Variants in RAPGEF2 observed in about 807,000 individuals in gnomAD.
RAPGEF2 encodes PDZ domain containing guanine nucleotide exchange factor (GEF) 1.
Under a neutral mutation model 186.7 loss-of-function variants are expected in RAPGEF2, and 54 were observed. The observed-to-expected ratio is 0.29, with a 90% CI of 0.23 to 0.36. The LOEUF is 0.36. Ranked by LOEUF, RAPGEF2 falls within the 10% of genes least tolerant of loss-of-function variation. RAPGEF2 has a pLI of 1.00. For missense variants in RAPGEF2, 1,532 were observed against 2,045.0 expected, an observed-to-expected ratio of 0.75 and a Z score of 4.84; for synonymous variants, 712 against 705.9, an observed-to-expected ratio of 1.01 and a Z score of -0.14.
chr4:159,142,747 A>G (rs1742493628), intron 1 of RAPGEF2, among the ~76,000 whole-genome samples: 1 of 152,190 alleles, frequency 6.6e-6, no homozygotes, highest in Non-Finnish European at 1.5e-5. Context: ...TATAAATAGT[A>G]TGAGTAACAA....
rs1322108964 is a variant in RAPGEF2 at position 159,104,229 on chromosome 4, C to G, written c.67C>G (p.Gln23Glu). The change falls in exon 1 of 30, where the codon CAG becomes GAG. Residue 23 changes from glutamine (Q) to glutamate (E), a missense_variant and splice_region_variant. By Grantham distance (29) the Gln-to-Glu change is conservative. Coordinates refer to ENST00000691494, the MANE Select transcript of RAPGEF2 (RefSeq NM_001394067.2). ...VMKNPPERTP[Q>E]DLEIVYSYLH... The stretch of plus-strand genomic sequence containing the variant: ...GAAGAATCCCCCCGAAAGGACCCCC[C>G]AGGTGAGAACGCGGCGGCCGCCTGC... 5.8e-6 allele frequency: 7 copies of G among 1,203,704 alleles called. No homozygotes were observed. The highest frequency in any genetic ancestry group is 1.7e-5 in the African/African-American group (1 of 57,984). 74.6% of individuals were successfully genotyped at this position (1,203,704 alleles called of 1,614,324 possible). A position where few individuals can be genotyped will look rare whatever the true frequency, so the allele number is the denominator to read the frequency against.
chr4:159,314,097 GT>G (rs1466622201), intron 8 of RAPGEF2, among the ~76,000 whole-genome samples: 73 of 152,244 alleles, frequency 4.8e-4, no homozygotes, highest in African/African-American at 1.6e-3. Flanking sequence ...CCAACTAATT[GT>G]TAATGTTTCG....
rs573855535 is a variant in RAPGEF2 at position 159,254,067 on chromosome 4, T to G, written c.543+10276T>G. Among the ~76,000 whole-genome samples, 26 of 152,384 alleles carry G rather than the reference T, an allele frequency of 1.7e-4. No homozygotes were observed. The East Asian group carries it at 5.0e-3, about 29-fold the overall frequency. ...AACAAAAGTGCTTTATGCAAACTTC[T>G]CGCTTCATCATACAGAATATTAAAA... On this transcript the variant is annotated intron_variant, in intron 7 of 29. Coordinates refer to ENST00000691494, the MANE Select transcript of RAPGEF2 (RefSeq NM_001394067.2).
chr4:159,216,766 CTG>C (rs1751027967), intron 4 of RAPGEF2, among the ~76,000 whole-genome samples: 1 of 152,250 alleles, frequency 6.6e-6, no homozygotes, highest in African/African-American at 2.4e-5. Context: ...ACCACGTTGA[CTG>C]TGTCCATTTA....
At chr4:159,156,365 A>C (rs1265505349) in intron 1 of RAPGEF2, among the ~76,000 whole-genome samples, 1 of 152,216 alleles carries the variant, frequency 6.6e-6, no homozygotes, top group Non-Finnish European at 1.5e-5. Context: ...TTATAACACA[A>C]CTAAAAAAAG....
intron 2 of RAPGEF2, among the ~76,000 whole-genome samples, chr4:159,189,193 G>A (rs1245368784): frequency 6.6e-6 from 1 of 152,138 alleles, no homozygotes; most frequent in East Asian, 1.9e-4. Context: ...TCATAATCAA[G>A]ATTTTCAGTC....
intron 1 of RAPGEF2, among the ~76,000 whole-genome samples, chr4:159,121,469 C>T (rs1378010126): frequency 6.6e-6 from 1 of 151,984 alleles, no homozygotes; most frequent in Non-Finnish European, 1.5e-5. Flanking sequence ...TGGACTCAAG[C>T]TCTCCTCCCA....
At chr4:159,325,264 A>G (rs774097496) in intron 11 of RAPGEF2, among the ~76,000 whole-genome samples, 4 of 152,190 alleles carry the variant, frequency 2.6e-5, no homozygotes, top group Non-Finnish European at 4.4e-5. Flanking sequence ...CTTCCCAATT[A>G]TTTTGTATAA....
At chr4:159,338,568 AT>A (rs754545545) in intron 18 of RAPGEF2, 100 bp downstream of exon 18, 4 of 1,210,962 alleles carry the variant, frequency 3.3e-6, no homozygotes, top group Non-Finnish European at 4.6e-6. Context: ...GGCATGGATT[AT>A]ATCAGATGCT....
At chr4:159,268,353 G>A (rs1757693291) in intron 7 of RAPGEF2, 1 of 610,590 alleles carries the variant, frequency 1.6e-6, no homozygotes, top group Non-Finnish European at 2.7e-6. Context: ...GGAGGGGAGG[G>A]TGCATTAAAG....
chr4:159,342,944 T>C (rs1442055069), intron 20 of RAPGEF2, 35 bp from the exon 21 acceptor site: 10 of 1,563,546 alleles, frequency 6.4e-6, no homozygotes, highest in Non-Finnish European at 8.8e-7. Flanking sequence ...TATTTTACTT[T>C]AGTTGTTATA....
chr4:159,353,418 G>C lies in RAPGEF2; in HGVS notation c.4092-69G>C. ...CCTTTCTAGGAAAAAGGGTATTTTGGTTTTATCATAGGTGAATTAGTTATC... is the reference window on the plus strand; with the variant it reads ...CCTTTCTAGGAAAAAGGGTATTTTGCTTTTATCATAGGTGAATTAGTTATC... On this transcript the variant is annotated intron_variant, in intron 27 of 29. Transcript: ENST00000691494. The surrounding 1 kb of genome is among the most constrained non-coding windows in gnomAD (Gnocchi z 4.3). 7.8e-7 allele frequency: 1 copy of C among 1,281,854 alleles called. No individual in the cohort carries two copies. The highest frequency in any genetic ancestry group is 1.0e-6 in the Non-Finnish European group (1 of 967,056). The allele number at this position is 1,281,854 out of a possible 1,614,324, so 79.4% of individuals were successfully genotyped here. A position where few individuals can be genotyped will look rare whatever the true frequency, so the allele number is the denominator to read the frequency against.
rs1376625860 is a variant in RAPGEF2 at position 159,103,183 on chromosome 4, C to G, written c.-980C>G. ...ACACTCTCTCCGAGGGGGCTGTGCG[C>G]GGCTCTCGGCTTTCGGCCCTCGGAC... is the stretch of plus-strand genomic sequence containing the variant. On this transcript the variant is annotated 5_prime_UTR_variant, in exon 1 of 30. Coordinates refer to ENST00000691494, the MANE Select transcript of RAPGEF2 (RefSeq NM_001394067.2). 1 of 151,866 alleles carries G rather than the reference C, an allele frequency of 6.6e-6. No homozygotes were observed. Among genetic ancestry groups the G allele is most frequent in the Admixed American group, 6.6e-5 (1 of 15,252 alleles). The allele number at this position is 151,866 out of a possible 1,614,324, so 9.4% of individuals were successfully genotyped here. A position where few individuals can be genotyped will look rare whatever the true frequency, so the allele number is the denominator to read the frequency against.
At chr4:159,180,015 G>A (rs1746844632) in intron 1 of RAPGEF2, among the ~76,000 whole-genome samples, 2 of 152,156 alleles carry the variant, frequency 1.3e-5, no homozygotes, top group Non-Finnish European at 2.9e-5. Context: ...TGGGTAATGT[G>A]AGGTCTCGAC....
At chr4:159,293,887 CAT>C (rs1232471008) in intron 7 of RAPGEF2, among the ~76,000 whole-genome samples, 2 of 152,120 alleles carry the variant, frequency 1.3e-5, no homozygotes, top group African/African-American at 4.8e-5. Context: ...TGGAGGGTCT[CAT>C]GTGTAAGGTT....
At chr4:159,172,121 A>T (rs1192583762) in intron 1 of RAPGEF2, among the ~76,000 whole-genome samples, 1 of 152,204 alleles carries the variant, frequency 6.6e-6, no homozygotes, top group African/African-American at 2.4e-5. Flanking sequence ...ATTGTCCTTA[A>T]TCTCTCATTT....
intron 6 of RAPGEF2, among the ~76,000 whole-genome samples, chr4:159,242,197 C>T (rs917935748): frequency 6.6e-6 from 1 of 151,464 alleles, no homozygotes; most frequent in African/African-American, 2.4e-5. Flanking sequence ...GCTTAGATTC[C>T]TGGATATGTC....
chr4:159,343,468 T>G (rs1015818441), intron 22 of RAPGEF2, 64 bp downstream of exon 22: 1 of 1,571,132 alleles, frequency 6.4e-7, no homozygotes, highest in African/African-American at 1.4e-5. Context: ...AGCTTCCCAA[T>G]AAATGATTTT....
intron 3 of RAPGEF2, among the ~76,000 whole-genome samples, chr4:159,201,745 T>A (rs1749437870): frequency 6.6e-6 from 1 of 152,168 alleles, no homozygotes; most frequent in African/African-American, 2.4e-5. Context: ...ATCTTTTGGT[T>A]GGAGGGTGTT....
Sources: gnomAD v4.1 joint callset for allele counts (sites outside exome capture counted in the v4.1 genomes callset) on GRCh38, gnomAD v4.1.1 for gene constraint, Gnocchi (gnomAD v3.1) non-coding constraint, MANE v1.5 for transcripts, NCBI Gene and HGNC (gene_info 2026-07-23, HGNC 2026-07-21) for gene names.